PLEKHA1: variants seen among roughly 807,000 people sequenced by gnomAD.
The protein encoded by PLEKHA1 is pleckstrin homology domain-containing family A member 1.
PLEKHA1 carries 34 observed loss-of-function variants against 52.0 expected under a neutral mutation model. That is an observed-to-expected ratio of 0.65 (90% CI 0.50 to 0.87). The LOEUF is 0.87. Ranked by LOEUF, PLEKHA1 falls within the 40% of genes least tolerant of loss-of-function variation. PLEKHA1 has a pLI of 0.00. For missense variants in PLEKHA1, 497 were observed against 504.2 expected, an observed-to-expected ratio of 0.99 and a Z score of 0.14; for synonymous variants, 163 against 170.7, an observed-to-expected ratio of 0.95 and a Z score of 0.35.
At chr10:122,429,294 T>C (rs2097388485) in intron 11 of PLEKHA1, among the ~76,000 whole-genome samples, 1 of 152,228 alleles carries the variant, frequency 6.6e-6, no homozygotes, top group Admixed American at 6.5e-5. Context: ...CACAGTTCAG[T>C]TGCAGCTGGA....
At chr10:122,428,202 C>T (rs2097367880) in intron 11 of PLEKHA1, 4 of 1,347,634 alleles carry the variant, frequency 3.0e-6, no homozygotes, top group South Asian at 3.9e-5. Flanking sequence ...CTATGACTGT[C>T]AGCACAACTT....
chr10:122,422,532 C>T (rs756866870), intron 8 of PLEKHA1: 5 of 152,194 alleles, frequency 3.3e-5, no homozygotes, highest in African/African-American at 4.8e-5. Context: ...TAAACTGAAT[C>T]TCAGCACGAA....
At chr10:122,398,183 A>T (rs79581661) in intron 3 of PLEKHA1, among the ~76,000 whole-genome samples, 2 of 152,216 alleles carry the variant, frequency 1.3e-5, no homozygotes, top group East Asian at 3.9e-4. Flanking sequence ...GGATGTGGCA[A>T]ATTGCAAAAG....
At chr10:122,375,211 G>A (rs2096510535) in intron 1 of PLEKHA1, among the ~76,000 whole-genome samples, 1 of 152,024 alleles carries the variant, frequency 6.6e-6, no homozygotes, top group Non-Finnish European at 1.5e-5. Flanking sequence ...AATCCCGCTC[G>A]GGGCGCGGTG....
intron 5 of PLEKHA1, 97 bp from the exon 6 acceptor site, chr10:122,412,823 C>G (rs374652270): frequency 7.5e-7 from 1 of 1,331,768 alleles, no homozygotes; most frequent in Non-Finnish European, 1.0e-6. Flanking sequence ...ATCTGTCAAC[C>G]GTATGCAAAC....
chr10:122,399,610 A>G (rs1464475014), intron 3 of PLEKHA1, among the ~76,000 whole-genome samples: 1 of 151,896 alleles, frequency 6.6e-6, no homozygotes, highest in Admixed American at 6.6e-5. Flanking sequence ...TTTGAGATGA[A>G]GTCTCACTGT....
At chr10:122,439,112 G>A in the PLEKHA1 span, 1 of 152,084 alleles carries the variant, frequency 6.6e-6, no homozygotes. Context: ...ATTGAATTTT[G>A]TTAAATATCT....
At chr10:122,437,150 G>A (rs1244923453), downstream of PLEKHA1, 8 of 151,880 alleles carry the variant, frequency 5.3e-5, no homozygotes, top group Non-Finnish European at 1.2e-4. Flanking sequence ...TCATGCTCAC[G>A]GTCTTGGTTC....
chr10:122,407,488 G>C (rs10887149), intron 5 of PLEKHA1, among the ~76,000 whole-genome samples: 1 of 152,062 alleles, frequency 6.6e-6, no homozygotes, highest in South Asian at 2.1e-4. Flanking sequence ...CAGTTTTTTG[G>C]CCTCTGGAGC....
Position 122,424,198 on chromosome 10 carries a change from G to C in PLEKHA1, c.682-1G>C. ...TTTTTTTTTTTTTTTTTTTTTGCCA[G>C]GAAAAGGAACCTCTTCGTGTAATAC... On this transcript the variant is annotated splice_acceptor_variant, in intron 8 of 11. Coordinates refer to ENST00000368990, the MANE Select transcript of PLEKHA1 (RefSeq NM_001001974.4). LOFTEE classifies it high-confidence loss of function. 2 of 1,510,252 alleles carry C rather than the reference G, an allele frequency of 1.3e-6. No individual in the cohort carries two copies. Among genetic ancestry groups the C allele is most frequent in the Non-Finnish European group, 1.8e-6 (2 of 1,142,544 alleles). 93.6% of individuals were successfully genotyped at this position (1,510,252 alleles called of 1,614,324 possible).
At chr10:122,398,623 A>C (rs1317869879) in intron 3 of PLEKHA1, among the ~76,000 whole-genome samples, 2 of 145,428 alleles carry the variant, frequency 1.4e-5, no homozygotes, top group Non-Finnish European at 3.0e-5. Context: ...GTGTGTGTGC[A>C]TGTGTGTTAC....
intron 1 of PLEKHA1, among the ~76,000 whole-genome samples, chr10:122,390,949 C>T (rs771779679): frequency 5.0e-4 from 76 of 152,210 alleles, no homozygotes; most frequent in Non-Finnish European, 8.2e-4. Context: ...CATGTCCTTG[C>T]CAACACTTGT....
intron 4 of PLEKHA1, among the ~76,000 whole-genome samples, chr10:122,401,335 GTT>G (rs1248250824): frequency 6.6e-6 from 1 of 152,096 alleles, no homozygotes; most frequent in East Asian, 1.9e-4. Context: ...TTGTTTGTTT[GTT>G]TTTTTGTATG....
chr10:122,396,109 C>T (rs2096846197), intron 2 of PLEKHA1, among the ~76,000 whole-genome samples: 1 of 152,010 alleles, frequency 6.6e-6, no homozygotes, highest in Non-Finnish European at 1.5e-5. Flanking sequence ...TTAAATTTCC[C>T]CATAGTGTAC....
chr10:122,381,043 T>C (rs1361542565), intron 1 of PLEKHA1, among the ~76,000 whole-genome samples: 1 of 152,230 alleles, frequency 6.6e-6, no homozygotes, highest in African/African-American at 2.4e-5. Flanking sequence ...TTAAATAAAC[T>C]AATATTTAGG....
At chr10:122,410,916 T>C (rs7904876) in intron 5 of PLEKHA1, among the ~76,000 whole-genome samples, 2,074 of 152,302 alleles carry the variant, frequency 0.014, 37 homozygotes, top group African/African-American at 0.047. Flanking sequence ...TTTCAGGTTC[T>C]CTTAATGCTA....
intron 11 of PLEKHA1, 64 bp downstream of exon 11, chr10:122,427,095 T>C (rs183163850): frequency 2.5e-5 from 35 of 1,419,338 alleles, no homozygotes; most frequent in Non-Finnish European, 3.0e-5. Flanking sequence ...AAATTTCCTC[T>C]CTCCCAATCC....
intron 1 of PLEKHA1, among the ~76,000 whole-genome samples, chr10:122,376,501 G>GATATATATAT (rs56781870): frequency 2.0e-5 from 3 of 146,832 alleles, no homozygotes; most frequent in East Asian, 4.0e-4. Context: ...ACATTAAGAA[G>GATATATATAT]ATATATATAT....
Position 122,431,932 on chromosome 10 carries a change from C to G in PLEKHA1, c.*1994C>G, listed in dbSNP as rs961554420. The stretch of plus-strand genomic sequence containing the variant: ...CTAATGCTGTTTAATTTTGGTACAG[C>G]TTCCACATTGCATGTTCACTTTAGT... On this transcript the variant is annotated 3_prime_UTR_variant, in exon 12 of 12. Transcript: ENST00000368990. 1.7e-4 allele frequency: 26 copies of G among 152,012 alleles called. No homozygotes were observed. The highest frequency in any genetic ancestry group is 5.6e-4 in the African/African-American group (23 of 41,388). 9.4% of individuals were successfully genotyped at this position (152,012 alleles called of 1,614,324 possible).
Sources: gnomAD v4.1 joint callset for allele counts (sites outside exome capture counted in the v4.1 genomes callset) on GRCh38, gnomAD v4.1.1 for gene constraint, MANE v1.5 for transcripts, NCBI Gene and HGNC (gene_info 2026-07-23, HGNC 2026-07-21) for gene names.